The following ZNF469 variants were observed in gnomAD, a reference collection of about 807,000 sequenced individuals.
ZNF469 encodes zinc finger protein 469.
A neutral mutation model predicts 1.0 loss-of-function variants in ZNF469; 1 was observed. That is an observed-to-expected ratio of 1.00 (90% CI 0.35 to 4.73). The LOEUF (loss-of-function observed/expected upper bound fraction) is 4.73, where lower values mean the gene tolerates loss of function less well. Ranked by LOEUF, ZNF469 falls within the 30% of genes most tolerant of loss-of-function variation. The pLI, the probability that ZNF469 is intolerant of heterozygous loss-of-function variation, is 0.16. For synonymous variants in ZNF469, 2,703 were observed against 2,363.4 expected, an observed-to-expected ratio of 1.14 and a Z score of -4.17; for missense variants, 6,100 against 5,356.3, an observed-to-expected ratio of 1.14 and a Z score of -4.33.
At chr16:88,362,918 G>T in the ZNF469 span, among the ~76,000 whole-genome samples, 2 of 152,024 alleles carry the variant, frequency 1.3e-5, no homozygotes, top group Non-Finnish European at 1.5e-5. Context: ...TCTTTATCTA[G>T]GGTTAAACCA....
the ZNF469 span, among the ~76,000 whole-genome samples, chr16:88,126,748 G>A: frequency 0.018 from 2,784 of 151,858 alleles, 81 homozygotes; most frequent in African/African-American, 0.064. Flanking sequence ...CTGTCCCCCG[G>A]GTTCAAGCAA....
At chr16:88,175,645 T>C in the ZNF469 span, among the ~76,000 whole-genome samples, 1 of 152,232 alleles carries the variant, frequency 6.6e-6, no homozygotes, top group East Asian at 1.9e-4. Context: ...TGGAACTGCG[T>C]GAAAACGGAA....
Position 88,434,327 on chromosome 16 carries a change from C to T in ZNF469, c.6857C>T (p.Thr2286Ile), listed in dbSNP as rs1005080218. The change falls in exon 3 of 3, where the codon ACT (threonine) becomes ATT (isoleucine). Residue 2286 changes from threonine to isoleucine, a missense_variant. Transcript: ENST00000565624. ...TCCCCCAGCGTGGCCGTCAGGGCTA[C>T]TGGCCTGTCCAGCACTCCCACCGGA... The part of the protein sequence containing the change: ...AVSPSVAVRA[T>I]GLSSTPTGDE... 2 of 1,550,312 alleles carry T rather than the reference C, an allele frequency of 1.3e-6. No individual in the cohort carries two copies. Among genetic ancestry groups the T allele is most frequent in the Non-Finnish European group, 1.7e-6 (2 of 1,146,972 alleles).
the ZNF469 span, among the ~76,000 whole-genome samples, chr16:88,283,539 CT>C: frequency 6.6e-6 from 1 of 152,196 alleles, no homozygotes; most frequent in East Asian, 1.9e-4. Flanking sequence ...ATTCTTCCAA[CT>C]TTTCTGTGTG....
chr16:88,265,466 G>T, the ZNF469 span, among the ~76,000 whole-genome samples: 1 of 152,216 alleles, frequency 6.6e-6, no homozygotes, highest in African/African-American at 2.4e-5. Context: ...GCACAGAGGG[G>T]CAGGGGGACA....
At chr16:88,212,163 A>G in the ZNF469 span, among the ~76,000 whole-genome samples, 894 of 151,726 alleles carry the variant, frequency 5.9e-3, 9 homozygotes, top group African/African-American at 0.021. Context: ...TTCATCTTTG[A>G]GGATTTCTTT....
At chr16:88,255,609 C>G in the ZNF469 span, among the ~76,000 whole-genome samples, 5 of 152,282 alleles carry the variant, frequency 3.3e-5, no homozygotes, top group Admixed American at 2.6e-4. Flanking sequence ...ACATTATTAT[C>G]AACCAAAGTC....
At chr16:88,284,151 G>GGCTGGTAGACCCCCAGTGTGCCCGAA in the ZNF469 span, among the ~76,000 whole-genome samples, 1 of 151,050 alleles carries the variant, frequency 6.6e-6, no homozygotes, top group East Asian at 2.0e-4. Context: ...GTGTGCCCGA[G>GGCTGGTAGACCCCCAGTGTGCCCGAA]GTCTGCGGAG....
chr16:88,131,173 C>T, the ZNF469 span, among the ~76,000 whole-genome samples: 1 of 152,212 alleles, frequency 6.6e-6, no homozygotes, highest in Non-Finnish European at 1.5e-5. Flanking sequence ...GCGGCAGAAC[C>T]GGCTGTCTGG....
At chr16:88,257,691 G>C in the ZNF469 span, among the ~76,000 whole-genome samples, 1 of 152,046 alleles carries the variant, frequency 6.6e-6, no homozygotes, top group Admixed American at 6.6e-5. Flanking sequence ...TCTTTGTGAA[G>C]GTCCATGTCT....
At chr16:88,403,594 C>T (rs1407716220) in intron 1 of ZNF469, among the ~76,000 whole-genome samples, 3 of 152,162 alleles carry the variant, frequency 2.0e-5, no homozygotes, top group African/African-American at 4.8e-5. Context: ...CAGGGGTGGG[C>T]GAGGGTGGCA....
chr16:88,385,580 C>T (rs959223809), intron 1 of ZNF469, among the ~76,000 whole-genome samples: 1 of 150,814 alleles, frequency 6.6e-6, no homozygotes, highest in Non-Finnish European at 1.5e-5. Context: ...GAGTTCAAGG[C>T]TGCAGTTAAT....
At chr16:88,195,290 CA>C in the ZNF469 span, 2 of 152,198 alleles carry the variant, frequency 1.3e-5, no homozygotes, top group Non-Finnish European at 2.9e-5. Flanking sequence ...GGAGGCGGCC[CA>C]GGGGGTGACA....
chr16:88,297,828 G>A, the ZNF469 span, among the ~76,000 whole-genome samples: 1 of 152,190 alleles, frequency 6.6e-6, no homozygotes, highest in African/African-American at 2.4e-5. Context: ...CACGTTTGCA[G>A]GGTCCAAGGA....
chr16:88,401,220 G>T (rs564725149), intron 1 of ZNF469, among the ~76,000 whole-genome samples: 4 of 152,366 alleles, frequency 2.6e-5, no homozygotes, highest in East Asian at 1.9e-4. Flanking sequence ...CAGCATTGGG[G>T]TATGCAGAGC....
At chr16:88,100,972 G>T in the ZNF469 span, 1 of 277,854 alleles carries the variant, frequency 3.6e-6, no homozygotes, top group South Asian at 3.1e-5. Context: ...TGCTGCTGCG[G>T]ACACCTGGGG....
chr16:88,209,440 G>T, the ZNF469 span, among the ~76,000 whole-genome samples: 1 of 151,836 alleles, frequency 6.6e-6, no homozygotes, highest in Non-Finnish European at 1.5e-5. Context: ...ACAGGTACCC[G>T]CCACCGCACC....
the ZNF469 span, among the ~76,000 whole-genome samples, chr16:88,288,164 T>G: frequency 6.6e-6 from 1 of 152,208 alleles, no homozygotes; most frequent in Admixed American, 6.5e-5. Flanking sequence ...TTTCTCCATC[T>G]TACCGGGGAG....
chr16:88,383,754 G>T (rs146231327), intron 1 of ZNF469, among the ~76,000 whole-genome samples: 107 of 152,084 alleles, frequency 7.0e-4, no homozygotes, highest in African/African-American at 2.4e-3. Flanking sequence ...TCCGAGCGCG[G>T]CATAGGCTTG....
Sources: gnomAD v4.1 joint callset for allele counts (sites outside exome capture counted in the v4.1 genomes callset) on GRCh38, gnomAD v4.1.1 for gene constraint, MANE v1.5 for transcripts, NCBI Gene and HGNC (gene_info 2026-07-23, HGNC 2026-07-21) for gene names.